The following DOCK4 variants were observed in gnomAD, a reference collection of about 807,000 sequenced individuals.
The protein encoded by DOCK4 is dedicator of cytokinesis 4, also known as dedicator of cytokinesis protein 4.
A neutral mutation model predicts 268.1 loss-of-function variants in DOCK4; 97 were observed. That is an observed-to-expected ratio of 0.36 (90% CI 0.31 to 0.43). DOCK4 has a LOEUF of 0.43. Among genes scored for constraint, DOCK4 ranks in the 20% least tolerant of loss-of-function variants. The pLI is 1.00. For missense variants in DOCK4, 2,145 were observed against 2,455.7 expected (o/e 0.87, Z 2.67); for synonymous variants, 954 against 887.2 (o/e 1.08, Z -1.34).
chr7:112,057,792 A>C (rs977724204), intron 1 of DOCK4, among the ~76,000 whole-genome samples: 1 of 151,684 alleles, frequency 6.6e-6, no homozygotes, highest in Non-Finnish European at 1.5e-5. Flanking sequence ...TAAATATATA[A>C]AAATAATAAT....
At chr7:112,069,535 A>G (rs985378813) in intron 1 of DOCK4, among the ~76,000 whole-genome samples, 2 of 152,202 alleles carry the variant, frequency 1.3e-5, no homozygotes, top group East Asian at 1.9e-4. Context: ...GACAAAGACA[A>G]TGGTACCCAC....
At chr7:111,923,613 C>T (rs1462527583) in intron 12 of DOCK4, among the ~76,000 whole-genome samples, 1 of 152,068 alleles carries the variant, frequency 6.6e-6, no homozygotes, top group Non-Finnish European at 1.5e-5. Context: ...ATAACTTTAT[C>T]CTACTTAATA....
At chr7:111,738,406 C>G (rs1208812629) in intron 49 of DOCK4, among the ~76,000 whole-genome samples, 1 of 152,172 alleles carries the variant, frequency 6.6e-6, no homozygotes, top group African/African-American at 2.4e-5. Context: ...TTAAATAGGT[C>G]TAGGCAAAGG....
At chr7:112,076,949 T>C (rs984793095) in intron 1 of DOCK4, among the ~76,000 whole-genome samples, 3 of 141,470 alleles carry the variant, frequency 2.1e-5, no homozygotes, top group African/African-American at 9.3e-5. Context: ...TTGAACACTT[T>C]CCTGCAAGAG....
chr7:112,206,013 G>A, intron 1 of DOCK4, 89 bp downstream of exon 1: 2 of 1,434,470 alleles, frequency 1.4e-6, no homozygotes, highest in South Asian at 1.2e-5. Context: ...TTTCAACCGG[G>A]CGGAGCGAGA....
At chr7:111,752,930 G>A (rs1796772078) in intron 42 of DOCK4, among the ~76,000 whole-genome samples, 1 of 140,092 alleles carries the variant, frequency 7.1e-6, no homozygotes. Context: ...CTTTTTTTGG[G>A]TTTTGAAAAT....
chr7:112,026,491 C>A (rs1343425326), intron 1 of DOCK4, among the ~76,000 whole-genome samples: 1 of 152,182 alleles, frequency 6.6e-6, no homozygotes, highest in Non-Finnish European at 1.5e-5. Flanking sequence ...TAAAAGAGGG[C>A]CAACAAATAA....
chr7:111,767,004 C>T lies in DOCK4; in HGVS notation c.3915+28G>A, dbSNP rs775111317. On this transcript the variant is annotated intron_variant, in intron 38 of 52. Coordinates refer to ENST00000428084, the MANE Select transcript of DOCK4 (RefSeq NM_001363540.2). ...GCTAATCACAAAGGGAGGCTATGGC[C>T]TGATCAGGATGCATCCAGGCACCTT... 3 of 1,576,122 alleles carry T rather than the reference C, an allele frequency of 1.9e-6. No individual in the cohort carries two copies. The African/African-American group carries it at 4.0e-5, about 21-fold the overall frequency.
chr7:111,891,057 T>A (rs1356081821), intron 16 of DOCK4, among the ~76,000 whole-genome samples: 1 of 152,184 alleles, frequency 6.6e-6, no homozygotes, highest in Admixed American at 6.5e-5. Flanking sequence ...TTCAAAACCT[T>A]ACCATAAACA....
At chr7:111,979,978 G>T (rs1473401233) in intron 7 of DOCK4, among the ~76,000 whole-genome samples, 1 of 152,192 alleles carries the variant, frequency 6.6e-6, no homozygotes. Context: ...CCAGAGACTG[G>T]TAGTTTTAAA....
chr7:111,946,766 G>T (rs948432484), intron 8 of DOCK4, among the ~76,000 whole-genome samples: 1 of 152,102 alleles, frequency 6.6e-6, no homozygotes, highest in Non-Finnish European at 1.5e-5. Context: ...ACTTTAAGTA[G>T]AGACAGCATT....
intron 1 of DOCK4, among the ~76,000 whole-genome samples, chr7:112,149,709 C>G (rs1413087712): frequency 2.6e-5 from 4 of 152,152 alleles, no homozygotes; most frequent in Non-Finnish European, 5.9e-5. Context: ...TCTAGTGTCT[C>G]TTCTATGAAT....
chr7:112,119,405 T>C (rs907054709), intron 1 of DOCK4, among the ~76,000 whole-genome samples: 2 of 151,460 alleles, frequency 1.3e-5, no homozygotes, highest in Non-Finnish European at 2.9e-5. Context: ...GAGGAAAGAG[T>C]AGTTCTGGCC....
intron 30 of DOCK4, among the ~76,000 whole-genome samples, chr7:111,806,448 A>T (rs570153659): frequency 6.6e-6 from 1 of 152,322 alleles, no homozygotes; most frequent in South Asian, 2.1e-4. Flanking sequence ...GTCTTTGCAA[A>T]GTCTAGACAC....
chr7:112,118,148 A>T (rs927990283), intron 1 of DOCK4, among the ~76,000 whole-genome samples: 6 of 150,740 alleles, frequency 4.0e-5, no homozygotes, highest in African/African-American at 9.7e-5. Flanking sequence ...ATATATATAT[A>T]TTTTGTCTCC....
rs1477180811 is a variant in DOCK4 at position 112,115,153 on chromosome 7, T to G, written c.37+90949A>C. Among the ~76,000 whole-genome samples, 3 of 152,368 alleles carry G rather than the reference T, an allele frequency of 2.0e-5. No homozygotes were observed. The East Asian group carries it at 5.8e-4, about 29-fold the overall frequency. ...CAGAATACACCTATCAATATCTGAC[T>G]GTTGTTTCAACCTGTGGTTTGCACC... On this transcript the variant is annotated intron_variant, in intron 1 of 52. Coordinates refer to ENST00000428084, the MANE Select transcript of DOCK4 (RefSeq NM_001363540.2).
intron 8 of DOCK4, among the ~76,000 whole-genome samples, chr7:111,973,962 C>T (rs1048333817): frequency 6.6e-6 from 1 of 152,104 alleles, no homozygotes; most frequent in Non-Finnish European, 1.5e-5. Flanking sequence ...CTCACATTCA[C>T]AGTACTTTTT....
At position 111,872,272 on chromosome 7, in the gene DOCK4, A is replaced by G; in HGVS notation, c.1923T>C (p.Ser641=). The part of the protein sequence containing the change: ...SQKYGSKVFD[S]LVHIINLLQD... Reference sequence around the variant, plus strand: ...AATTAAGGGAATTTGAACTTACCAAAGAATCAAACACTTTAGACCCATATT... The same window carrying G: ...AATTAAGGGAATTTGAACTTACCAAGGAATCAAACACTTTAGACCCATATT... The change falls in exon 19 of 53, where the codon TCT becomes TCC. Residue 641 remains serine (S), a synonymous_variant. Coordinates refer to ENST00000428084, the MANE Select transcript of DOCK4 (RefSeq NM_001363540.2). The G allele has an allele frequency of 6.5e-6, 10 of 1,535,426 alleles. No homozygotes were observed. The highest frequency in any genetic ancestry group is 8.8e-6 in the Non-Finnish European group (10 of 1,140,486).
At chr7:111,823,686 A>G (rs1461281499) in intron 26 of DOCK4, among the ~76,000 whole-genome samples, 3 of 152,200 alleles carry the variant, frequency 2.0e-5, no homozygotes, top group Non-Finnish European at 4.4e-5. Context: ...AGAAAACTTA[A>G]AGAGTTTTTG....
Sources: gnomAD v4.1 joint callset for allele counts (sites outside exome capture counted in the v4.1 genomes callset) on GRCh38, gnomAD v4.1.1 for gene constraint, MANE v1.5 for transcripts, NCBI Gene and HGNC (gene_info 2026-07-23, HGNC 2026-07-21) for gene names.